Variants in STK39 observed in about 807,000 individuals in gnomAD.
STK39 encodes the protein serine/threonine kinase 39.
Under a neutral mutation model 77.8 loss-of-function variants are expected in STK39, and 20 were observed. The ratio of observed to expected loss-of-function variants is 0.26; its 90% CI spans 0.18 to 0.37. The LOEUF (loss-of-function observed/expected upper bound fraction) is 0.37. STK39 is among the 10% of genes least tolerant of loss of function. The pLI is 1.00. For synonymous variants in STK39, 246 were observed against 234.1 expected (o/e 1.05, Z -0.47); for missense variants, 479 against 656.5 (o/e 0.73, Z 2.95).
At chr2:168,231,733 T>C (rs1481486403) in intron 1 of STK39, among the ~76,000 whole-genome samples, 3 of 152,132 alleles carry the variant, frequency 2.0e-5, no homozygotes, top group Non-Finnish European at 4.4e-5. Flanking sequence ...GAGTGCTCTG[T>C]GAAGAATCCT....
intron 1 of STK39, among the ~76,000 whole-genome samples, chr2:168,219,869 CTTTTTT>C (rs200725506): frequency 1.2e-5 from 1 of 86,612 alleles, no homozygotes; most frequent in Non-Finnish European, 3.4e-5. Flanking sequence ...ACTTTTCTTG[CTTTTTT>C]TTTTTTTTTT....
rs80048861 is a variant in STK39, at chr2:168,058,194, C to G, written c.1376+5306G>C. 2.3e-3 allele frequency among the ~76,000 whole-genome samples: 354 copies of G among 152,348 alleles called. 5 individuals carry two copies. The highest frequency in any genetic ancestry group is 6.8e-3 in the Middle Eastern group (2 of 294). On this transcript the variant is annotated intron_variant, in intron 14 of 17. Coordinates refer to ENST00000355999, the MANE Select transcript of STK39 (RefSeq NM_013233.3). ...AGTTGGACCAGGCTTTTGTCCCCAT[C>G]ACTCCACTGAAAATATTCTTGCCAA...
At chr2:168,120,683 G>T (rs890156205) in intron 10 of STK39, among the ~76,000 whole-genome samples, 1 of 152,142 alleles carries the variant, frequency 6.6e-6, no homozygotes, top group Admixed American at 6.5e-5. Flanking sequence ...AAAAAATTTT[G>T]CTATAACCTG....
intron 10 of STK39, among the ~76,000 whole-genome samples, chr2:168,092,280 G>A (rs1455181952): frequency 6.6e-6 from 1 of 152,180 alleles, no homozygotes; most frequent in Non-Finnish European, 1.5e-5. Context: ...AATAATGGAA[G>A]CTCCACTGTA....
chr2:168,144,809 T>C (rs16854800), intron 5 of STK39, among the ~76,000 whole-genome samples: 5,282 of 151,926 alleles, frequency 0.035, 264 homozygotes, highest in East Asian at 0.23. Context: ...ACTTCAACAA[T>C]ATTTGTCGGG....
At chr2:168,193,908 C>A (rs948005437) in intron 1 of STK39, among the ~76,000 whole-genome samples, 4 of 152,142 alleles carry the variant, frequency 2.6e-5, no homozygotes, top group African/African-American at 9.7e-5. Flanking sequence ...CCCGAAGGGG[C>A]CAGGTACCCA....
At chr2:168,240,639 A>C (rs535519597) in intron 1 of STK39, among the ~76,000 whole-genome samples, 11 of 152,336 alleles carry the variant, frequency 7.2e-5, no homozygotes, top group Non-Finnish European at 8.8e-5. Context: ...ATATAGAAGA[A>C]ACAAGATTAG....
chr2:168,017,461 C>CGCA (rs71877338), intron 14 of STK39, among the ~76,000 whole-genome samples: 3 of 112,950 alleles, frequency 2.7e-5, no homozygotes, highest in African/African-American at 6.6e-5. Flanking sequence ...CTCACTGCAA[C>CGCA]CCAGGTTCAA....
chr2:168,164,201 G>A (rs1329667476), intron 3 of STK39, among the ~76,000 whole-genome samples: 1 of 152,148 alleles, frequency 6.6e-6, no homozygotes, highest in Non-Finnish European at 1.5e-5. Flanking sequence ...ACCCTCCAAA[G>A]AGGGTGCAAA....
chr2:168,144,879 G>T (rs1450661151), intron 5 of STK39, among the ~76,000 whole-genome samples: 1 of 151,728 alleles, frequency 6.6e-6, no homozygotes, highest in Admixed American at 6.6e-5. Context: ...TACTCAGGAG[G>T]ATGAAATGGG....
intron 16 of STK39, among the ~76,000 whole-genome samples, chr2:167,979,620 T>A (rs546309048): frequency 3.2e-4 from 48 of 152,194 alleles, no homozygotes; most frequent in Non-Finnish European, 5.4e-4. Flanking sequence ...GTTCCAAGAG[T>A]GCCTATCAGG....
At chr2:167,989,036 G>A (rs1004335509) in intron 16 of STK39, among the ~76,000 whole-genome samples, 6 of 152,132 alleles carry the variant, frequency 3.9e-5, no homozygotes, top group African/African-American at 1.2e-4. Flanking sequence ...TACATCTCTT[G>A]CTGTTATTTT....
chr2:168,238,188 A>T (rs1377925404), intron 1 of STK39, among the ~76,000 whole-genome samples: 27 of 152,242 alleles, frequency 1.8e-4, no homozygotes, highest in Admixed American at 1.8e-3. Flanking sequence ...CAGAATGATT[A>T]TGAGAAGTCT....
intron 8 of STK39, among the ~76,000 whole-genome samples, chr2:168,130,982 A>T (rs1687681152): frequency 6.6e-6 from 1 of 152,234 alleles, no homozygotes; most frequent in African/African-American, 2.4e-5. Context: ...AAGAAGCCAC[A>T]GAGGCTATAA....
chr2:168,100,126 T>C (rs375579909), intron 10 of STK39, among the ~76,000 whole-genome samples: 4 of 152,326 alleles, frequency 2.6e-5, no homozygotes, highest in Admixed American at 6.5e-5. Flanking sequence ...CAGTTTATCA[T>C]GGCTAATTAC....
chr2:168,171,195 G>C (rs564226147), intron 2 of STK39, among the ~76,000 whole-genome samples: 20 of 152,246 alleles, frequency 1.3e-4, no homozygotes, highest in Admixed American at 3.3e-4. Context: ...ACCTTAAAAT[G>C]GGGTAGCATG....
intron 14 of STK39, among the ~76,000 whole-genome samples, chr2:168,022,391 G>C (rs942775885): frequency 1.3e-5 from 2 of 152,154 alleles, no homozygotes; most frequent in Non-Finnish European, 2.9e-5. Flanking sequence ...CACTATTGCA[G>C]GAACTTTGAA....
intron 10 of STK39, among the ~76,000 whole-genome samples, chr2:168,094,537 A>G (rs73019413): frequency 0.032 from 4,928 of 152,208 alleles, 270 homozygotes; most frequent in African/African-American, 0.11. Flanking sequence ...TTCTCTTACT[A>G]TGAAAAACAA....
intron 14 of STK39, among the ~76,000 whole-genome samples, chr2:168,035,112 T>A (rs1436892662): frequency 6.6e-6 from 1 of 152,198 alleles, no homozygotes; most frequent in Non-Finnish European, 1.5e-5. Flanking sequence ...GGGAACCTCC[T>A]GTATCCAGAA....
Sources: allele counts gnomAD v4.1 joint callset (sites outside exome capture counted in the v4.1 genomes callset), GRCh38; gene constraint gnomAD v4.1.1; transcripts MANE v1.5; gene names NCBI Gene and HGNC (gene_info 2026-07-23, HGNC 2026-07-21).